The following RIOK3 variants were observed in gnomAD, a reference collection of about 807,000 sequenced individuals.
RIOK3 encodes the protein RIO kinase 3.
In RIOK3, 40 loss-of-function variants were observed where a neutral mutation model predicts 63.5. The observed-to-expected ratio is 0.63, with a 90% CI of 0.49 to 0.82. The LOEUF (loss-of-function observed/expected upper bound fraction) is 0.82. RIOK3 is among the 40% of genes least tolerant of loss of function. The pLI, the probability that RIOK3 is intolerant of heterozygous loss-of-function variation, is 0.00. For synonymous variants in RIOK3, 193 were observed against 205.0 expected (o/e 0.94, Z 0.50); for missense variants, 557 against 637.0 (o/e 0.87, Z 1.35).
rs752539261 is a variant in RIOK3 at position 23,464,007 on chromosome 18, ACTTCCAGTGAC to A, written c.224_234del (p.Ser75TyrfsTer11). On this transcript the variant is annotated frameshift_variant, in exon 3 of 13. Coordinates refer to ENST00000339486, the MANE Select transcript of RIOK3 (RefSeq NM_003831.5). LOFTEE classifies it high-confidence loss of function. ...ATTTATTACTGGAGAAAACATTGAT[ACTTCCAGTGAC>A]CTTATGCTGGCTCAGATGCTACAGA... 1 of 1,612,410 alleles carries A rather than the reference ACTTCCAGTGAC, an allele frequency of 6.2e-7. No individual in the cohort carries two copies. The highest frequency in any genetic ancestry group is 8.5e-7 in the Non-Finnish European group (1 of 1,179,238).
rs531779330 is a variant in RIOK3, at chr18:23,468,786, T to G, written c.815+1260T>G. ...TGGTACATAATAAATTGCCACAGAC[T>G]TAGCAGCCAAAACAGCATCCATTTA... On this transcript the variant is annotated intron_variant, in intron 7 of 12. Transcript: ENST00000339486. Among the ~76,000 whole-genome samples the G allele has an allele frequency of 1.2e-4, 19 of 152,376 alleles. No homozygotes were observed. In the East Asian group the frequency reaches 3.5e-3, roughly 28 times the overall value.
rs139837326 is a variant in RIOK3, at chr18:23,472,658, C to T, written c.816-771C>T. Among the ~76,000 whole-genome samples the T allele has an allele frequency of 6.7e-3, 1,018 of 152,272 alleles. 9 individuals carry two copies. Among genetic ancestry groups the T allele is most frequent in the African/African-American group, 0.023 (971 of 41,558 alleles). On this transcript the variant is annotated intron_variant, in intron 7 of 12. Transcript: ENST00000339486. ...TCGTTCACTCGATCTTCATGAAGCACGCATTTGAGAGTGCCATACACAGAA... is the reference window on the plus strand; with the variant it reads ...TCGTTCACTCGATCTTCATGAAGCATGCATTTGAGAGTGCCATACACAGAA...
At chr18:23,475,941 CTTT>C (rs374984418) in intron 9 of RIOK3, among the ~76,000 whole-genome samples, 12,141 of 80,034 alleles carry the variant, frequency 0.15, 680 homozygotes, top group East Asian at 0.35. Context: ...TTTTTTGGGG[CTTT>C]TTTTTTTTTT....
At chr18:23,467,966 CAG>C in intron 7 of RIOK3, among the ~76,000 whole-genome samples, 1 of 151,656 alleles carries the variant, frequency 6.6e-6, no homozygotes, top group East Asian at 2.0e-4. Flanking sequence ...TTAGTAGAGA[CAG>C]GGTTTCGCCA....
At chr18:23,456,074 G>A (rs2057338980) in intron 1 of RIOK3, among the ~76,000 whole-genome samples, 1 of 152,154 alleles carries the variant, frequency 6.6e-6, no homozygotes, top group African/African-American at 2.4e-5. Flanking sequence ...GGGATTACAG[G>A]TGTGAGCCAC....
chr18:23,471,679 G>A (rs887118955), intron 7 of RIOK3, among the ~76,000 whole-genome samples: 2 of 152,192 alleles, frequency 1.3e-5, no homozygotes, highest in Non-Finnish European at 2.9e-5. Context: ...GAGCGTTGGT[G>A]TGTGTTTTGA....
intron 11 of RIOK3, 22 bp downstream of exon 11, chr18:23,477,290 C>G (rs756409146): frequency 8.9e-5 from 141 of 1,581,370 alleles, no homozygotes; most frequent in Non-Finnish European, 1.2e-4. Flanking sequence ...AACCAATATG[C>G]CTTTTTTTGT....
intron 1 of RIOK3, among the ~76,000 whole-genome samples, chr18:23,456,860 G>A (rs866790163): frequency 1.3e-5 from 2 of 152,166 alleles, no homozygotes; most frequent in South Asian, 2.1e-4. Flanking sequence ...TCACAGCTAA[G>A]TAGATTGTAG....
intron 5 of RIOK3, among the ~76,000 whole-genome samples, chr18:23,465,356 A>G (rs2057399744): frequency 6.6e-6 from 1 of 152,174 alleles, no homozygotes. Context: ...GGGCAACAAG[A>G]GTGAAACTCT....
At chr18:23,466,677 G>A (rs2057410196) in intron 6 of RIOK3, among the ~76,000 whole-genome samples, 1 of 128,760 alleles carries the variant, frequency 7.8e-6, no homozygotes, top group Non-Finnish European at 1.6e-5. Context: ...GTGACAGATT[G>A]AGACCCTGCC....
intron 1 of RIOK3, among the ~76,000 whole-genome samples, chr18:23,454,454 G>A (rs185678515): frequency 9.3e-4 from 141 of 152,332 alleles, no homozygotes; most frequent in African/African-American, 3.1e-3. Flanking sequence ...ATACTGCGTT[G>A]GCAAATGTGG....
chr18:23,474,978 A>G lies in RIOK3; in HGVS notation c.1044A>G (p.Thr348=). ...AGAGAGCTGGAATTCCTTGTCCAAC[A>G]GTTGTACTACTGAAGAAACACATTT... ...RMQRAGIPCP[T]VVLLKKHILV... The change falls in exon 9 of 13, where the codon ACA becomes ACG. Residue 348 remains threonine (T), a synonymous_variant. Transcript: ENST00000339486. The G allele has an allele frequency of 6.2e-7, 1 of 1,611,674 alleles. No individual in the cohort carries two copies. Among genetic ancestry groups the G allele is most frequent in the Non-Finnish European group, 8.5e-7 (1 of 1,177,912 alleles).
intron 8 of RIOK3, among the ~76,000 whole-genome samples, chr18:23,474,659 C>T (rs1429794806): frequency 6.6e-6 from 1 of 152,178 alleles, no homozygotes; most frequent in Non-Finnish European, 1.5e-5. Context: ...TGGCTAATTC[C>T]TGTTCCCTAC....
chr18:23,463,379 C>A, intron 2 of RIOK3: 3 of 186,462 alleles, frequency 1.6e-5, no homozygotes, highest in African/African-American at 2.4e-5. Flanking sequence ...TCTATTCTTT[C>A]ATTATGGATG....
At chr18:23,457,202 A>C (rs555613954) in intron 1 of RIOK3, among the ~76,000 whole-genome samples, 2 of 152,334 alleles carry the variant, frequency 1.3e-5, no homozygotes, top group South Asian at 4.1e-4. Context: ...CAAAATGCTG[A>C]ACTACTATTA....
intron 1 of RIOK3, among the ~76,000 whole-genome samples, chr18:23,454,860 C>G (rs1481544680): frequency 6.6e-6 from 1 of 152,136 alleles, no homozygotes; most frequent in Non-Finnish European, 1.5e-5. Flanking sequence ...GCTGAAAGTA[C>G]TATCATTAAT....
At chr18:23,477,752 G>A (rs1020744297) in intron 11 of RIOK3, among the ~76,000 whole-genome samples, 1 of 143,296 alleles carries the variant, frequency 7.0e-6, no homozygotes, top group Admixed American at 7.3e-5. Context: ...GGGCAACAGA[G>A]TGAGGCTCCG....
At chr18:23,480,555 GCACACA>G (rs59552026) in intron 12 of RIOK3, among the ~76,000 whole-genome samples, 41 of 142,090 alleles carry the variant, frequency 2.9e-4, no homozygotes, top group Admixed American at 5.6e-4. Flanking sequence ...TTGGATGCAC[GCACACA>G]CACACACACA....
chr18:23,477,334 CTAAGA>C lies in RIOK3; in HGVS notation c.1344+71_1344+75del, dbSNP rs2145702149. Reference sequence around the variant, plus strand: ...ACAGCTGCAGGTATTTTTCTCACTCCTAAGATAAGTAAGAGGACCATATTCTTAGA... The same window carrying C: ...ACAGCTGCAGGTATTTTTCTCACTCCTAAGTAAGAGGACCATATTCTTAGA... On this transcript the variant is annotated intron_variant, in intron 11 of 12. Coordinates refer to ENST00000339486, the MANE Select transcript of RIOK3 (RefSeq NM_003831.5). 3 of 1,209,412 alleles carry C rather than the reference CTAAGA, an allele frequency of 2.5e-6. No homozygotes were observed. In the East Asian group the frequency reaches 7.0e-5, roughly 28 times the overall value. 74.9% of individuals were successfully genotyped at this position (1,209,412 alleles called of 1,614,324 possible).
Sources: gnomAD v4.1 joint callset for allele counts (sites outside exome capture counted in the v4.1 genomes callset) on GRCh38, gnomAD v4.1.1 for gene constraint, MANE v1.5 for transcripts, NCBI Gene and HGNC (gene_info 2026-07-23, HGNC 2026-07-21) for gene names.